Variants in ATP6V0A2 observed in about 807,000 individuals in gnomAD.
ATP6V0A2 encodes the protein V-type proton ATPase 116 kDa subunit a 2.
ATP6V0A2 carries 58 observed loss-of-function variants against 104.4 expected under a neutral mutation model. That is an observed-to-expected ratio of 0.56 (90% CI 0.45 to 0.69). The LOEUF (loss-of-function observed/expected upper bound fraction) is 0.69, where lower values mean the gene tolerates loss of function less well. Ranked by LOEUF, ATP6V0A2 falls within the 30% of genes least tolerant of loss-of-function variation. The pLI is 0.00. For synonymous variants in ATP6V0A2, 376 were observed against 397.9 expected (o/e 0.95, Z 0.65); for missense variants, 938 against 1,062.9 (o/e 0.88, Z 1.63).
chr12:123,754,617 T>G, intron 18 of ATP6V0A2, 80 bp downstream of exon 18: 2 of 1,006,602 alleles, frequency 2.0e-6, no homozygotes, highest in Middle Eastern at 2.5e-4. Flanking sequence ...ATATTTTAAC[T>G]TTGTAACTAA....
rs964736741 is a variant in ATP6V0A2, at chr12:123,759,494, T to A, written c.*1462T>A. ...GAACTTGAGTCAGTCCTATTGAACA[T>A]TTTGACCTATATTCTTGCAAATTAT... On this transcript the variant is annotated 3_prime_UTR_variant, in exon 20 of 20. Transcript: ENST00000330342. 1.3e-5 allele frequency: 2 copies of A among 152,352 alleles called. No homozygotes were observed. Among genetic ancestry groups the A allele is most frequent in the Non-Finnish European group, 2.9e-5 (2 of 68,028 alleles). 9.4% of individuals were successfully genotyped at this position (152,352 alleles called of 1,614,324 possible). A position where few individuals can be genotyped will look rare whatever the true frequency, so the allele number is the denominator to read the frequency against.
At position 123,727,767 on chromosome 12, in the gene ATP6V0A2, CT is replaced by C. The variant is rs140638516; in HGVS notation, c.522-13del. 5.7e-4 allele frequency: 924 copies of C among 1,614,004 alleles called. 7 individuals carry two copies. In the African/African-American group the frequency reaches 0.011, roughly 19 times the overall value. ...TTGCTTTCAGTTGACTACAGGTTGA[CT>C]TTACTGTCTCACAGATTTGTGTCTG... is the stretch of plus-strand genomic sequence containing the variant. On this transcript the variant is annotated splice_polypyrimidine_tract_variant and intron_variant, in intron 5 of 19. Transcript: ENST00000330342.
At chr12:123,734,098 A>G in intron 7 of ATP6V0A2, 90 bp downstream of exon 7, 1 of 970,868 alleles carries the variant, frequency 1.0e-6, no homozygotes, top group Non-Finnish European at 1.6e-6. Flanking sequence ...TCAGAAATAG[A>G]GTGGCTGCTA....
chr12:123,746,469 A>C (rs1956663131), intron 13 of ATP6V0A2, among the ~76,000 whole-genome samples: 1 of 151,806 alleles, frequency 6.6e-6, no homozygotes, highest in South Asian at 2.1e-4. Flanking sequence ...AGGGCTAGGA[A>C]CTGGGAGGCT....
rs1956783131 is a variant in ATP6V0A2 at position 123,758,238 on chromosome 12, GT to G, written c.*212del. The stretch of plus-strand genomic sequence containing the variant: ...ATTTGAGATATAAAAATTTCTTTTG[GT>G]TTTTTATGATGAGCAAATATAAGTT... On this transcript the variant is annotated 3_prime_UTR_variant, in exon 20 of 20. Coordinates refer to ENST00000330342, the MANE Select transcript of ATP6V0A2 (RefSeq NM_012463.4). The G allele has an allele frequency of 2.2e-6, 1 of 453,526 alleles. No homozygotes were observed. Among genetic ancestry groups the G allele is most frequent in the Non-Finnish European group, 3.9e-6 (1 of 258,040 alleles). 28.1% of individuals were successfully genotyped at this position (453,526 alleles called of 1,614,324 possible). A position where few individuals can be genotyped will look rare whatever the true frequency, so the allele number is the denominator to read the frequency against.
intron 17 of ATP6V0A2, among the ~76,000 whole-genome samples, chr12:123,753,193 A>G (rs909768144): frequency 7.3e-6 from 1 of 137,186 alleles, no homozygotes; most frequent in South Asian, 2.5e-4. Flanking sequence ...AGTCCCCTGG[A>G]CCGGTGTCTG....
At chr12:123,735,128 T>G (rs1956538293) in intron 7 of ATP6V0A2, among the ~76,000 whole-genome samples, 1 of 143,060 alleles carries the variant, frequency 7.0e-6, no homozygotes, top group African/African-American at 2.6e-5. Flanking sequence ...AGAGCTCTTT[T>G]CTCCTTTTGT....
At chr12:123,748,496 A>T in intron 14 of ATP6V0A2, 79 bp from the exon 15 acceptor site, 1 of 1,035,280 alleles carries the variant, frequency 9.7e-7, no homozygotes, top group East Asian at 2.4e-5. Context: ...TTTATAGTTT[A>T]GTTGCAGAGA....
chr12:123,761,011 A>G lies in ATP6V0A2; in HGVS notation c.*2979A>G, dbSNP rs970553549. ...AACCTCTGCCTCCTGGGTTTAAGCA[A>G]TTCTCCTGCCCTAGCCTCCCGAGTA... On this transcript the variant is annotated 3_prime_UTR_variant, in exon 20 of 20. Coordinates refer to ENST00000330342, the MANE Select transcript of ATP6V0A2 (RefSeq NM_012463.4). 6.6e-5 allele frequency: 10 copies of G among 152,158 alleles called. No individual in the cohort carries two copies. Among genetic ancestry groups the G allele is most frequent in the African/African-American group, 2.4e-4 (10 of 41,420 alleles). The allele number at this position is 152,158 out of a possible 1,614,324, so 9.4% of individuals were successfully genotyped here.
chr12:123,750,699 T>G (rs1956706228), intron 15 of ATP6V0A2: 1 of 215,984 alleles, frequency 4.6e-6, no homozygotes, highest in Non-Finnish European at 9.5e-6. Context: ...TAAATCCACT[T>G]GCTGATTCAC....
At chr12:123,730,339 G>A (rs1469862319) in intron 6 of ATP6V0A2, among the ~76,000 whole-genome samples, 2 of 152,040 alleles carry the variant, frequency 1.3e-5, no homozygotes, top group Non-Finnish European at 2.9e-5. Context: ...ACAGGCGTGA[G>A]CCACCACACC....
At position 123,758,577 on chromosome 12, in the gene ATP6V0A2, A is replaced by G. The variant is rs1488942897; in HGVS notation, c.*545A>G. The G allele has an allele frequency of 6.6e-6, 1 of 151,414 alleles. No individual in the cohort carries two copies. Among genetic ancestry groups the G allele is most frequent in the Non-Finnish European group, 1.5e-5 (1 of 68,244 alleles). The allele number at this position is 151,414 out of a possible 1,614,324, so 9.4% of individuals were successfully genotyped here. On this transcript the variant is annotated 3_prime_UTR_variant, in exon 20 of 20. Coordinates refer to ENST00000330342, the MANE Select transcript of ATP6V0A2 (RefSeq NM_012463.4). Reference sequence around the variant, plus strand: ...GCTGTGTCACGTAGGCTGGAGTGCAATGGCACGATCGTGTCTCATTGCAAC... The same window carrying G: ...GCTGTGTCACGTAGGCTGGAGTGCAGTGGCACGATCGTGTCTCATTGCAAC...
chr12:123,756,803 A>C lies in ATP6V0A2; in HGVS notation c.2294-12A>C, dbSNP rs767553180. 4 of 1,613,118 alleles carry C rather than the reference A, an allele frequency of 2.5e-6. No homozygotes were observed. In the South Asian group the frequency reaches 4.4e-5, roughly 18 times the overall value. On this transcript the variant is annotated splice_polypyrimidine_tract_variant and intron_variant, in intron 18 of 19. Transcript: ENST00000330342. Reference sequence around the variant, plus strand: ...AGCGAGCATGACCTGTGCAGGCTGCACTCCTTTGCAGAGTTGTCTGATGTC... The same window carrying C: ...AGCGAGCATGACCTGTGCAGGCTGCCCTCCTTTGCAGAGTTGTCTGATGTC...
At chr12:123,747,993 A>G (rs530214469) in intron 14 of ATP6V0A2, among the ~76,000 whole-genome samples, 1 of 152,340 alleles carries the variant, frequency 6.6e-6, no homozygotes, top group East Asian at 1.9e-4. Context: ...TTGTTGCCCC[A>G]GTGGAGCTTC....
intron 15 of ATP6V0A2, 138 bp from the exon 16 acceptor site, chr12:123,750,972 A>ATTT (rs1339464409): frequency 1.7e-6 from 2 of 1,174,328 alleles, no homozygotes. Context: ...ACCCGCTGGC[A>ATTT]AGTGTAGCTG....
In ATP6V0A2 at chr12:123,728,558, T is replaced by C. The variant is rs76168800; in HGVS notation, c.648+649T>C. On this transcript the variant is annotated intron_variant, in intron 6 of 19. Transcript: ENST00000330342. Reference sequence around the variant, plus strand: ...GCCTGTCCTGTCTCTCTGATCTCCTTCATTCTGGGACAGTTTCTCAGACTT... The same window carrying C: ...GCCTGTCCTGTCTCTCTGATCTCCTCCATTCTGGGACAGTTTCTCAGACTT... 1.7e-4 allele frequency among the ~76,000 whole-genome samples: 3 copies of C among 17,804 alleles called. No homozygotes were observed. The Admixed American group carries it at 2.8e-3, about 16-fold the overall frequency. The allele number at this position is 17,804 out of a possible 152,430, so 11.7% of individuals were successfully genotyped here.
rs1956794371 is a variant in ATP6V0A2, at chr12:123,759,990, G to A, written c.*1958G>A. 1 of 152,206 alleles carries A rather than the reference G, an allele frequency of 6.6e-6. No homozygotes were observed. Among genetic ancestry groups the A allele is most frequent in the Non-Finnish European group, 1.5e-5 (1 of 68,048 alleles). 9.4% of individuals were successfully genotyped at this position (152,206 alleles called of 1,614,324 possible). Reference sequence around the variant, plus strand: ...GTGACTATGACATCCCAGCAGTGCTGGTCAGGTCTCAGAGTTGCTTTCACC... The same window carrying A: ...GTGACTATGACATCCCAGCAGTGCTAGTCAGGTCTCAGAGTTGCTTTCACC... On this transcript the variant is annotated 3_prime_UTR_variant, in exon 20 of 20. Transcript: ENST00000330342.
intron 9 of ATP6V0A2, among the ~76,000 whole-genome samples, chr12:123,739,718 A>G (rs1366283446): frequency 3.3e-5 from 5 of 152,172 alleles, no homozygotes; most frequent in Non-Finnish European, 7.3e-5. Context: ...TGTTGATCAC[A>G]GTGGCTGTCT....
In ATP6V0A2 at chr12:123,737,291, C is replaced by A; in HGVS notation, c.1038+20C>A. Reference sequence around the variant, plus strand: ...GGCTCGGTAAGGCTGCCTTCCTCTCCTCTGCCAGGAACAGAAGAGAGACTG... The same window carrying A: ...GGCTCGGTAAGGCTGCCTTCCTCTCATCTGCCAGGAACAGAAGAGAGACTG... On this transcript the variant is annotated intron_variant, in intron 9 of 19. Coordinates refer to ENST00000330342, the MANE Select transcript of ATP6V0A2 (RefSeq NM_012463.4). 6.2e-7 allele frequency: 1 copy of A among 1,609,788 alleles called. No individual in the cohort carries two copies. Among genetic ancestry groups the A allele is most frequent in the South Asian group, 1.1e-5 (1 of 90,950 alleles).
Sources: gnomAD v4.1 joint callset for allele counts (sites outside exome capture counted in the v4.1 genomes callset) on GRCh38, gnomAD v4.1.1 for gene constraint, MANE v1.5 for transcripts, NCBI Gene and HGNC (gene_info 2026-07-23, HGNC 2026-07-21) for gene names.